TMEM222: variants seen among roughly 807,000 people sequenced by gnomAD.
TMEM222 encodes transmembrane protein 222.
A neutral mutation model predicts 25.1 loss-of-function variants in TMEM222; 18 were observed. The ratio of observed to expected loss-of-function variants is 0.72; its 90% CI spans 0.50 to 1.06. The LOEUF (loss-of-function observed/expected upper bound fraction) is 1.06, where lower values mean the gene tolerates loss of function less well. Among genes scored for constraint, TMEM222 ranks in the 50% least tolerant of loss-of-function variants. TMEM222 has a pLI of 0.00. For missense variants in TMEM222, 296 were observed against 293.7 expected, an observed-to-expected ratio of 1.01 and a Z score of -0.06; for synonymous variants, 131 against 117.9, an observed-to-expected ratio of 1.11 and a Z score of -0.72.
chr1:27,326,985 C>A (rs2014367368), intron 1 of TMEM222, among the ~76,000 whole-genome samples: 1 of 150,696 alleles, frequency 6.6e-6, no homozygotes, highest in Non-Finnish European at 1.5e-5. Flanking sequence ...TGGACCCAGA[C>A]TTCCTCCCAA....
At position 27,335,360 on chromosome 1, in the gene TMEM222, G is replaced by C; in HGVS notation, c.540-19G>C. The C allele has an allele frequency of 6.2e-7, 1 of 1,613,524 alleles. No individual in the cohort carries two copies. The highest frequency in any genetic ancestry group is 8.5e-7 in the Non-Finnish European group (1 of 1,179,446). ...CACCAGGCCCTGCCCACCTATGCTCGCTCCTTTCTCTCTGTCAGCGTTGGG... is the reference window on the plus strand; with the variant it reads ...CACCAGGCCCTGCCCACCTATGCTCCCTCCTTTCTCTCTGTCAGCGTTGGG... On this transcript the variant is annotated intron_variant, in intron 5 of 5. Transcript: ENST00000374076.
intron 1 of TMEM222, chr1:27,325,873 T>C (rs1467222160): frequency 1.3e-6 from 1 of 756,704 alleles, no homozygotes; most frequent in Non-Finnish European, 2.5e-6. Context: ...CAAATGCATA[T>C]ACCTCATGCT....
intron 1 of TMEM222, 142 bp downstream of exon 1, chr1:27,322,533 C>T (rs1269920280): frequency 2.6e-6 from 2 of 759,494 alleles, no homozygotes; most frequent in Admixed American, 4.2e-5. Flanking sequence ...ACCAGAACCC[C>T]GCCATCCATG....
At chr1:27,333,432 T>C (rs1321182933) in intron 3 of TMEM222, 1 of 470,652 alleles carries the variant, frequency 2.1e-6, no homozygotes, top group Non-Finnish European at 4.4e-6. Context: ...ATCTCATCAA[T>C]TGGGTATCTT....
chr1:27,334,184 G>A lies in TMEM222; in HGVS notation c.442G>A (p.Val148Met), dbSNP rs776513427. 5.6e-6 allele frequency: 9 copies of A among 1,614,072 alleles called. No individual in the cohort carries two copies. Among genetic ancestry groups the A allele is most frequent in the African/African-American group, 4.0e-5 (3 of 74,938 alleles). ...NLCCDNCHSH[V>M]ALALNLMRYN... ...CTGCTGTGACAACTGCCACTCGCAC[G>A]TGGCATTGGCCCTGAATCTGATGCG... Residue 148 changes from valine to methionine, a missense_variant, in exon 5 of 6, where the codon GTG becomes ATG. Coordinates refer to ENST00000374076, the MANE Select transcript of TMEM222 (RefSeq NM_032125.3).
Position 27,336,285 on chromosome 1 carries a change from T to G in TMEM222, c.*819T>G, listed in dbSNP as rs571105140. On this transcript the variant is annotated 3_prime_UTR_variant, in exon 6 of 6. Transcript: ENST00000374076. ...CTGAAGGGGCTGTCCCCCACCTAACTCCAGCTCCCCCTTCACGTTGTCACC... is the reference window on the plus strand; with the variant it reads ...CTGAAGGGGCTGTCCCCCACCTAACGCCAGCTCCCCCTTCACGTTGTCACC... 1.3e-5 allele frequency: 2 copies of G among 152,392 alleles called. No individual in the cohort carries two copies. The highest frequency in any genetic ancestry group is 3.9e-4 in the East Asian group (2 of 5,164). 9.4% of individuals were successfully genotyped at this position (152,392 alleles called of 1,614,324 possible).
chr1:27,322,462 C>G, intron 1 of TMEM222, 71 bp downstream of exon 1: 3 of 1,291,928 alleles, frequency 2.3e-6, no homozygotes, highest in Non-Finnish European at 3.0e-6. Flanking sequence ...CCGGGCTAGC[C>G]TCCGGCCCCA....
chr1:27,335,757 T>C lies in TMEM222; in HGVS notation c.*291T>C. The C allele has an allele frequency of 2.2e-6, 1 of 451,338 alleles. No homozygotes were observed. The highest frequency in any genetic ancestry group is 4.1e-6 in the Non-Finnish European group (1 of 244,296). 28.0% of individuals were successfully genotyped at this position (451,338 alleles called of 1,614,324 possible). Reference sequence around the variant, plus strand: ...CTTTGGCTTCCCGCTGTAGAGCTGCTCCCGCCACCACCTGCTGGGGTCCTG... The same window carrying C: ...CTTTGGCTTCCCGCTGTAGAGCTGCCCCCGCCACCACCTGCTGGGGTCCTG... On this transcript the variant is annotated 3_prime_UTR_variant, in exon 6 of 6. Coordinates refer to ENST00000374076, the MANE Select transcript of TMEM222 (RefSeq NM_032125.3).
chr1:27,330,746 T>A lies in TMEM222; in HGVS notation c.221T>A (p.Met74Lys), dbSNP rs746282487. The change falls in exon 2 of 6, where the codon ATG (methionine) becomes AAG (lysine). Residue 74 changes from methionine (M) to lysine (K), a missense_variant. Coordinates refer to ENST00000374076, the MANE Select transcript of TMEM222 (RefSeq NM_032125.3). Reference protein sequence around the residue: ...LTWFFPIIGHMGICTSTGVIR... With the variant: ...LTWFFPIIGHKGICTSTGVIR... ...TGGTTTTTCCCCATCATCGGCCACA[T>A]GGGCATCTGCACATCCACAGGAGTC... 2 of 1,614,218 alleles carry A rather than the reference T, an allele frequency of 1.2e-6. No homozygotes were observed. The highest frequency in any genetic ancestry group is 2.2e-5 in the South Asian group (2 of 91,088).
At chr1:27,330,065 G>A (rs985683181) in intron 1 of TMEM222, among the ~76,000 whole-genome samples, 1 of 150,172 alleles carries the variant, frequency 6.7e-6, no homozygotes, top group Non-Finnish European at 1.5e-5. Flanking sequence ...TTGTGCCACC[G>A]CACTTCAGCC....
At position 27,335,399 on chromosome 1, in the gene TMEM222, C is replaced by G; in HGVS notation, c.560C>G (p.Thr187Ser). The G allele has an allele frequency of 6.2e-7, 1 of 1,614,224 alleles. No homozygotes were observed. Among genetic ancestry groups the G allele is most frequent in the Non-Finnish European group, 8.5e-7 (1 of 1,180,046 alleles). The change falls in exon 6 of 6, where the codon ACC (threonine) becomes AGC (serine). Residue 187 changes from threonine to serine, a missense_variant. By Grantham distance (58) the Thr-to-Ser change is moderately conservative. Coordinates refer to ENST00000374076, the MANE Select transcript of TMEM222 (RefSeq NM_032125.3). Reference sequence around the variant, plus strand: ...GTCAGCGTTGGGGCCTTCGTGAAGACCTGGCTGCCCTTCATCCTTCTCCTG... The same window carrying G: ...GTCAGCGTTGGGGCCTTCGTGAAGAGCTGGCTGCCCTTCATCCTTCTCCTG... ...KYVSVGAFVK[T>S]WLPFILLLGI...
chr1:27,332,181 G>A (rs2014498011), intron 3 of TMEM222, 80 bp downstream of exon 3: 26 of 1,529,848 alleles, frequency 1.7e-5, no homozygotes, highest in Non-Finnish European at 2.2e-5. Context: ...TGGGGCACAG[G>A]AGGGGCCAGC....
At chr1:27,334,512 CT>C (rs748525182) in intron 5 of TMEM222, 188 of 1,356,968 alleles carry the variant, frequency 1.4e-4, no homozygotes, top group Non-Finnish European at 1.7e-4. Context: ...CTCTTGCCTG[CT>C]GTGAGACCAT....
At chr1:27,322,781 T>C (rs2014238683) in intron 1 of TMEM222, among the ~76,000 whole-genome samples, 1 of 152,174 alleles carries the variant, frequency 6.6e-6, no homozygotes, top group South Asian at 2.1e-4. Flanking sequence ...GACATACTGC[T>C]GGGTCTGGGA....
intron 1 of TMEM222, chr1:27,325,681 CTG>C (rs1275361634): frequency 4.8e-6 from 4 of 831,410 alleles, no homozygotes; most frequent in South Asian, 4.0e-5. Context: ...TGCAAGTACT[CTG>C]TGTGGATCAG....
At position 27,335,045 on chromosome 1, in the gene TMEM222, G is replaced by A. The variant is rs375824537; in HGVS notation, c.540-334G>A. 34 of 369,820 alleles carry A rather than the reference G, an allele frequency of 9.2e-5. No individual in the cohort carries two copies. The South Asian group carries it at 1.1e-3, about 11-fold the overall frequency. The allele number at this position is 369,820 out of a possible 1,614,324, so 22.9% of individuals were successfully genotyped here. ...TTCCATACCCAAACTGCAATTCCTGGTCCTCTTGCTGGAGACCCTAGAGGT... is the reference window on the plus strand; with the variant it reads ...TTCCATACCCAAACTGCAATTCCTGATCCTCTTGCTGGAGACCCTAGAGGT... On this transcript the variant is annotated intron_variant, in intron 5 of 5. Coordinates refer to ENST00000374076, the MANE Select transcript of TMEM222 (RefSeq NM_032125.3).
chr1:27,324,059 C>T (rs1055579009), intron 1 of TMEM222, among the ~76,000 whole-genome samples: 1 of 152,196 alleles, frequency 6.6e-6, no homozygotes, highest in African/African-American at 2.4e-5. Flanking sequence ...GGCGTGGTGG[C>T]TCAGGCCTGT....
At chr1:27,328,671 T>C (rs1337180416) in intron 1 of TMEM222, among the ~76,000 whole-genome samples, 1 of 152,208 alleles carries the variant, frequency 6.6e-6, no homozygotes, top group African/African-American at 2.4e-5. Flanking sequence ...CCTCTCCCCC[T>C]TTCGTTCTTC....
chr1:27,326,242 C>T (rs532192710), intron 1 of TMEM222, among the ~76,000 whole-genome samples: 1 of 152,146 alleles, frequency 6.6e-6, no homozygotes, highest in Non-Finnish European at 1.5e-5. Context: ...TCCTGCTGGT[C>T]TGTCAGGGTT....
Sources: allele counts gnomAD v4.1 joint callset (sites outside exome capture counted in the v4.1 genomes callset), GRCh38; gene constraint gnomAD v4.1.1; transcripts MANE v1.5; gene names NCBI Gene and HGNC (gene_info 2026-07-23, HGNC 2026-07-21).